Variants in GALNT15 observed in about 807,000 individuals in gnomAD.
GALNT15 encodes UDP-GalNAc transferase T15.
Under a neutral mutation model 66.8 loss-of-function variants are expected in GALNT15, and 67 were observed. The ratio of observed to expected loss-of-function variants is 1.00; its 90% CI spans 0.82 to 1.23. GALNT15 has a LOEUF of 1.23. Among genes scored for constraint, GALNT15 ranks in the 50% most tolerant of loss-of-function variants. GALNT15 has a pLI of 0.00. For synonymous variants in GALNT15, 313 were observed against 311.5 expected (o/e 1.00, Z -0.05); for missense variants, 827 against 804.3 (o/e 1.03, Z -0.34).
rs942952141 is a variant in GALNT15, at chr3:16,184,135, G to A, written c.539+8445G>A. On this transcript the variant is annotated intron_variant, in intron 1 of 9. Coordinates refer to ENST00000339732, the MANE Select transcript of GALNT15 (RefSeq NM_054110.5). This position sits in a 1 kb window ranked among gnomAD's most constrained non-coding sequence, Gnocchi z 5.0. The stretch of plus-strand genomic sequence containing the variant: ...CAAAGCCCTTGGTTGTTCCTGTCCC[G>A]CTGCTCCCACTCAAAGGATGAACAA... Among the ~76,000 whole-genome samples, 11 of 152,270 alleles carry A rather than the reference G, an allele frequency of 7.2e-5. No individual in the cohort carries two copies. The highest frequency in any genetic ancestry group is 1.9e-4 in the East Asian group (1 of 5,182).
At chr3:16,241,260 A>G in the GALNT15 span, among the ~76,000 whole-genome samples, 1 of 152,186 alleles carries the variant, frequency 6.6e-6, no homozygotes, top group African/African-American at 2.4e-5. The surrounding 1 kb of genome is among the most constrained non-coding windows in gnomAD (Gnocchi z 4.6). Context: ...CAGGCACGTA[A>G]TACATGCTTG....
intron 6 of GALNT15, among the ~76,000 whole-genome samples, chr3:16,216,956 T>C (rs1034325312): frequency 6.7e-5 from 10 of 149,520 alleles, no homozygotes; most frequent in Admixed American, 5.3e-4. Flanking sequence ...CAACTAATTA[T>C]TATTTTAGAG....
At chr3:16,179,962 C>G (rs769691944) in intron 1 of GALNT15, among the ~76,000 whole-genome samples, 2 of 152,204 alleles carry the variant, frequency 1.3e-5, no homozygotes, top group African/African-American at 2.4e-5. Flanking sequence ...CAAAGTTCTT[C>G]CAGGCCCCAG....
In GALNT15 at chr3:16,175,641, A is replaced by C. The variant is rs774918734; in HGVS notation, c.490A>C (p.Ser164Arg). Residue 164 changes from serine to arginine, a missense_variant, in exon 1 of 10, where the codon AGT (serine) becomes CGT (arginine). By Grantham distance (110) the Ser-to-Arg change is moderately radical. Coordinates refer to ENST00000339732, the MANE Select transcript of GALNT15 (RefSeq NM_054110.5). The surrounding 1 kb of genome is among the most constrained non-coding windows in gnomAD (Gnocchi z 5.6). ...CCCACGTGGCCTCCAGGAGGCACTC[A>C]GTGCCCGCATCCCCCTCCAGAGGGC... The part of the protein sequence containing the change: ...LDPRGLQEAL[S>R]ARIPLQRALP... The C allele has an allele frequency of 1.9e-6, 3 of 1,612,032 alleles. No homozygotes were observed. The South Asian group carries it at 3.3e-5, about 18-fold the overall frequency.
chr3:16,189,387 G>C lies in GALNT15; in HGVS notation c.540-6373G>C, dbSNP rs945564904. On this transcript the variant is annotated intron_variant, in intron 1 of 9. Coordinates refer to ENST00000339732, the MANE Select transcript of GALNT15 (RefSeq NM_054110.5). This position sits in a 1 kb window ranked among gnomAD's most constrained non-coding sequence, Gnocchi z 5.1. ...CACCAGCCCTAGTGGTTGAGATGAG[G>C]AGTAAATGAGATAATGCATGAGAAT... Among the ~76,000 whole-genome samples the C allele has an allele frequency of 7.2e-5, 11 of 152,216 alleles. No individual in the cohort carries two copies. Among genetic ancestry groups the C allele is most frequent in the Non-Finnish European group, 1.3e-4 (9 of 68,028 alleles).
Position 16,228,377 on chromosome 3 carries a change from A to T in GALNT15, c.*877A>T. On this transcript the variant is annotated 3_prime_UTR_variant, in exon 10 of 10. Coordinates refer to ENST00000339732, the MANE Select transcript of GALNT15 (RefSeq NM_054110.5). ...ACTCTCCTGCCGGGCGCGGTGGCTCATGCCTGTAATTCCAGCACTTTGGGA... is the reference window on the plus strand; with the variant it reads ...ACTCTCCTGCCGGGCGCGGTGGCTCTTGCCTGTAATTCCAGCACTTTGGGA... The T allele has an allele frequency of 1.0e-6, 1 of 978,298 alleles. No homozygotes were observed. The highest frequency in any genetic ancestry group is 4.7e-5 in the South Asian group (1 of 21,122). 60.6% of individuals were successfully genotyped at this position (978,298 alleles called of 1,614,324 possible).
chr3:16,219,942 C>G lies in GALNT15; in HGVS notation c.1557C>G (p.Asp519Glu), dbSNP rs1311422964. The change falls in exon 8 of 10, where the codon GAC becomes GAG. Residue 519 changes from aspartate to glutamate, a missense_variant. Coordinates refer to ENST00000339732, the MANE Select transcript of GALNT15 (RefSeq NM_054110.5). This position sits in a 1 kb window ranked among gnomAD's most constrained non-coding sequence, Gnocchi z 4.3. Reference protein sequence around the residue: ...LHNTGLGLCADCQAEGDILGC... With the variant: ...LHNTGLGLCAECQAEGDILGC... Reference sequence around the variant, plus strand: ...ACACTGGACTTGGGCTCTGTGCAGACTGCCAGGCAGAAGGGGACATCCTGG... The same window carrying G: ...ACACTGGACTTGGGCTCTGTGCAGAGTGCCAGGCAGAAGGGGACATCCTGG... The G allele has an allele frequency of 1.2e-6, 2 of 1,614,106 alleles. No homozygotes were observed. Among genetic ancestry groups the G allele is most frequent in the African/African-American group, 2.7e-5 (2 of 74,952 alleles).
chr3:16,244,349 AGCCTG>A, the GALNT15 span, among the ~76,000 whole-genome samples: 1 of 152,196 alleles, frequency 6.6e-6, no homozygotes. Flanking sequence ...AACTAAATGG[AGCCTG>A]GCTGCCAGGA....
Position 16,225,462 on chromosome 3 carries a change from C to T in GALNT15, c.1774-1892C>T, listed in dbSNP as rs967541510. Among the ~76,000 whole-genome samples the T allele has an allele frequency of 5.9e-5, 9 of 152,270 alleles. No homozygotes were observed. The highest frequency in any genetic ancestry group is 1.4e-4 in the African/African-American group (6 of 41,552). On this transcript the variant is annotated intron_variant, in intron 9 of 9. Coordinates refer to ENST00000339732, the MANE Select transcript of GALNT15 (RefSeq NM_054110.5). The surrounding 1 kb of genome is among the most constrained non-coding windows in gnomAD (Gnocchi z 4.4). ...CTGTAATCCCAGCACTTCGGGAGGC[C>T]GAGGCAGGTGGATCACGAGGTCAGG...
intron 9 of GALNT15, among the ~76,000 whole-genome samples, 179 bp downstream of exon 9, chr3:16,222,937 T>C (rs879794186): frequency 1.3e-5 from 2 of 152,190 alleles, no homozygotes; most frequent in African/African-American, 2.4e-5. Context: ...AGCAGCAAAG[T>C]TGGCCCACTG....
Position 16,203,539 on chromosome 3 carries a change from TCTCTCACACACACACACA to T in GALNT15, c.911+2718_911+2735del, listed in dbSNP as rs1473276668. 1.9e-5 allele frequency among the ~76,000 whole-genome samples: 1 copy of T among 53,256 alleles called. No individual in the cohort carries two copies. Among genetic ancestry groups the T allele is most frequent in the East Asian group, 7.4e-4 (1 of 1,344 alleles). The allele number at this position is 53,256 out of a possible 152,430, so 34.9% of individuals were successfully genotyped here. The stretch of plus-strand genomic sequence containing the variant: ...CACTCATTCTCTCTCTCTCTCTCTC[TCTCTCACACACACACACA>T]CACACACACACACACACACACACAC... On this transcript the variant is annotated intron_variant, in intron 3 of 9. Coordinates refer to ENST00000339732, the MANE Select transcript of GALNT15 (RefSeq NM_054110.5). This position sits in a 1 kb window ranked among gnomAD's most constrained non-coding sequence, Gnocchi z 6.2.
In GALNT15 at chr3:16,208,505, G is replaced by T; in HGVS notation, c.914G>T (p.Ser305Ile). ...TTTAATTCCACAATTCTTTCCAGGA[G>T]CCGAGTGGTATCTCCGGTGATAGAT... Reference protein sequence around the residue: ...PLLSRIAGDRSRVVSPVIDVI... With the variant: ...PLLSRIAGDRIRVVSPVIDVI... The change falls in exon 4 of 10, where the codon AGC (serine) becomes ATC (isoleucine). Residue 305 changes from serine (S) to isoleucine (I), a missense_variant and splice_region_variant. By Grantham distance (142) the Ser-to-Ile change is moderately radical (BLOSUM62 -2). Coordinates refer to ENST00000339732, the MANE Select transcript of GALNT15 (RefSeq NM_054110.5). 1 of 1,613,754 alleles carries T rather than the reference G, an allele frequency of 6.2e-7. No individual in the cohort carries two copies. The highest frequency in any genetic ancestry group is 8.5e-7 in the Non-Finnish European group (1 of 1,179,798).
In GALNT15 at chr3:16,175,789, T is replaced by A. The variant is rs2063403071; in HGVS notation, c.539+99T>A. 9.2e-7 allele frequency: 1 copy of A among 1,091,020 alleles called. No homozygotes were observed. The highest frequency in any genetic ancestry group is 1.3e-6 in the Non-Finnish European group (1 of 780,798). 67.6% of individuals were successfully genotyped at this position (1,091,020 alleles called of 1,614,324 possible). Reference sequence around the variant, plus strand: ...CTTTCCGTAGCCTGCCTCTCCTGACTTAGAGCAAGTGCTTTTCAAGATGCA... The same window carrying A: ...CTTTCCGTAGCCTGCCTCTCCTGACATAGAGCAAGTGCTTTTCAAGATGCA... On this transcript the variant is annotated intron_variant, in intron 1 of 9. Transcript: ENST00000339732. This position sits in a 1 kb window ranked among gnomAD's most constrained non-coding sequence, Gnocchi z 5.6.
chr3:16,215,911 A>G (rs2063867408), intron 6 of GALNT15, among the ~76,000 whole-genome samples: 1 of 145,508 alleles, frequency 6.9e-6, no homozygotes, highest in Non-Finnish European at 1.5e-5. Flanking sequence ...TCCGCCAAAA[A>G]AAAAAAAAAA....
At position 16,219,028 on chromosome 3, in the gene GALNT15, C is replaced by G. The variant is rs1249543728; in HGVS notation, c.1393-375C>G. 6.6e-6 allele frequency among the ~76,000 whole-genome samples: 1 copy of G among 151,996 alleles called. No individual in the cohort carries two copies. The highest frequency in any genetic ancestry group is 1.5e-5 in the Non-Finnish European group (1 of 68,008). On this transcript the variant is annotated intron_variant, in intron 6 of 9. Coordinates refer to ENST00000339732, the MANE Select transcript of GALNT15 (RefSeq NM_054110.5). The surrounding 1 kb of genome is among the most constrained non-coding windows in gnomAD (Gnocchi z 4.3). Reference sequence around the variant, plus strand: ...ATGGGGTTTCACCATGTTGGCCAGGCTGGTCTTGAACTCCTGACCTCAAGT... The same window carrying G: ...ATGGGGTTTCACCATGTTGGCCAGGGTGGTCTTGAACTCCTGACCTCAAGT...
chr3:16,239,620 A>G, the GALNT15 span, among the ~76,000 whole-genome samples: 1 of 152,116 alleles, frequency 6.6e-6, no homozygotes, highest in Admixed American at 6.5e-5. The surrounding 1 kb of genome is among the most constrained non-coding windows in gnomAD (Gnocchi z 5.2). Flanking sequence ...TCGGTCAAAC[A>G]CTCTGGGAAG....
Position 16,227,294 on chromosome 3 carries a change from T to A in GALNT15, c.1774-60T>A. 1.3e-6 allele frequency: 2 copies of A among 1,541,372 alleles called. No individual in the cohort carries two copies. Among genetic ancestry groups the A allele is most frequent in the Non-Finnish European group, 1.8e-6 (2 of 1,138,444 alleles). On this transcript the variant is annotated intron_variant, in intron 9 of 9. Coordinates refer to ENST00000339732, the MANE Select transcript of GALNT15 (RefSeq NM_054110.5). This position sits in a 1 kb window ranked among gnomAD's most constrained non-coding sequence, Gnocchi z 4.5. ...ATTAGCACAAATCTTAAAAATATTT[T>A]CTTTTGCTGACTGATTGTGGGGGAC...
chr3:16,233,113 T>TTTTTTTTTTTTTTTTTGA (rs71064272), downstream of GALNT15, among the ~76,000 whole-genome samples: 1 of 139,260 alleles, frequency 7.2e-6, no homozygotes, highest in African/African-American at 2.7e-5. Flanking sequence ...TTTTTTTTTT[T>TTTTTTTTTTTTTTTTTGA]GAAACGGAGT....
In GALNT15 at chr3:16,222,738, C is replaced by A; in HGVS notation, c.1753C>A (p.Gln585Lys). The part of the protein sequence containing the change: ...CTEEGLAIHQ[Q>K]HWDFQENGMI... ...GGAGGAAGGCCTGGCCATCCACCAG[C>A]AGCACTGGGACTTCCAGGAGGTGAG... is the stretch of plus-strand genomic sequence containing the variant. The change falls in exon 9 of 10, where the codon CAG becomes AAG. Residue 585 changes from glutamine to lysine, a missense_variant. Gln to Lys is a moderately conservative substitution (Grantham distance 53, BLOSUM62 1). Coordinates refer to ENST00000339732, the MANE Select transcript of GALNT15 (RefSeq NM_054110.5). The A allele has an allele frequency of 1.9e-6, 3 of 1,614,148 alleles. No homozygotes were observed. The highest frequency in any genetic ancestry group is 8.5e-7 in the Non-Finnish European group (1 of 1,180,020).
Sources: gnomAD v4.1 joint callset for allele counts (sites outside exome capture counted in the v4.1 genomes callset) on GRCh38, gnomAD v4.1.1 for gene constraint, Gnocchi (gnomAD v3.1) non-coding constraint, MANE v1.5 for transcripts, NCBI Gene and HGNC (gene_info 2026-07-23, HGNC 2026-07-21) for gene names.